CACNG3: variants seen among roughly 807,000 people sequenced by gnomAD.
CACNG3 encodes voltage-dependent calcium channel gamma-3 subunit.
CACNG3 carries 3 observed loss-of-function variants against 28.5 expected under a neutral mutation model. That is an observed-to-expected ratio of 0.11 (90% confidence interval 0.05 to 0.27). The LOEUF is 0.27. CACNG3 is among the 10% of genes least tolerant of loss of function. The probability of loss-of-function intolerance (pLI) is 1.00; values close to 1 mark genes in which losing one functional copy is unlikely to be tolerated. For missense variants in CACNG3, 236 were observed against 414.4 expected (o/e 0.57, Z 3.74); for synonymous variants, 174 against 162.2 (o/e 1.07, Z -0.55).
chr16:24,326,423 G>A (rs367609919), intron 1 of CACNG3, among the ~76,000 whole-genome samples: 4 of 151,988 alleles, frequency 2.6e-5, no homozygotes, highest in African/African-American at 9.7e-5. Flanking sequence ...CGCCCGCCTC[G>A]GCCTCCCAAA....
Position 24,317,612 on chromosome 16 carries a change from AAGAAAGAAAGAAAGAC to A in CACNG3, c.212-29118_212-29103del, listed in dbSNP as rs1437716719. Among the ~76,000 whole-genome samples the A allele has an allele frequency of 2.2e-4, 16 of 71,288 alleles. 1 individual carries two copies. The highest frequency in any genetic ancestry group is 4.7e-4 in the African/African-American group (7 of 14,868). 46.8% of individuals were successfully genotyped at this position (71,288 alleles called of 152,430 possible). On this transcript the variant is annotated intron_variant, in intron 1 of 3. Transcript: ENST00000005284. ...AAAGAAAGAAAGAAAGAAAGAAAGA[AAGAAAGAAAGAAAGAC>A]AGACAGAAAGAAAGAAAAGAAAAGA...
intron 1 of CACNG3, among the ~76,000 whole-genome samples, chr16:24,313,073 G>GATGAAGGA (rs1899295293): frequency 7.3e-6 from 1 of 137,924 alleles, no homozygotes; most frequent in Non-Finnish European, 1.5e-5. Context: ...GCGAGGGAGG[G>GATGAAGGA]AGGAAGGAAG....
chr16:24,340,485 G>A (rs540644460), intron 1 of CACNG3, among the ~76,000 whole-genome samples: 17 of 152,046 alleles, frequency 1.1e-4, no homozygotes, highest in South Asian at 2.1e-4. Flanking sequence ...ATCATTATTC[G>A]TTATATACGT....
chr16:24,353,321 T>G (rs1899982921), intron 2 of CACNG3, among the ~76,000 whole-genome samples: 2 of 152,220 alleles, frequency 1.3e-5, no homozygotes, highest in Admixed American at 6.5e-5. Context: ...ATTATGCCGC[T>G]GGTCCTGCCT....
chr16:24,342,005 C>T (rs1327541194), intron 1 of CACNG3, among the ~76,000 whole-genome samples: 2 of 152,216 alleles, frequency 1.3e-5, no homozygotes, highest in South Asian at 2.1e-4. Context: ...CGGTGGCTCA[C>T]GCCTGTCATC....
intron 1 of CACNG3, among the ~76,000 whole-genome samples, chr16:24,304,020 G>T (rs896892806): frequency 3.9e-5 from 6 of 152,162 alleles, no homozygotes; most frequent in Non-Finnish European, 8.8e-5. Flanking sequence ...AACATAGAGA[G>T]ACCCCCATTT....
chr16:24,265,469 GGAGA>G (rs139752998), intron 1 of CACNG3, among the ~76,000 whole-genome samples: 6 of 146,324 alleles, frequency 4.1e-5, no homozygotes, highest in Admixed American at 6.9e-5. Context: ...AAGGAAGGAA[GGAGA>G]GAGAGAGAGA....
At chr16:24,265,927 C>T (rs1898603816) in intron 1 of CACNG3, among the ~76,000 whole-genome samples, 1 of 152,148 alleles carries the variant, frequency 6.6e-6, no homozygotes, top group Non-Finnish European at 1.5e-5. Flanking sequence ...ACTGTAGAGA[C>T]ATGTAGGAAT....
chr16:24,284,012 G>T (rs1898863016), intron 1 of CACNG3, among the ~76,000 whole-genome samples: 1 of 152,140 alleles, frequency 6.6e-6, no homozygotes, highest in Non-Finnish European at 1.5e-5. Context: ...TAGTTATTGA[G>T]ATTATAAGTT....
chr16:24,261,064 G>T (rs965830), intron 1 of CACNG3, among the ~76,000 whole-genome samples: 80,397 of 152,066 alleles, frequency 0.53, 21,345 homozygotes, highest in South Asian at 0.6. Context: ...TTATGTGAAT[G>T]GTGAATGTTA....
intron 1 of CACNG3, among the ~76,000 whole-genome samples, chr16:24,306,972 C>G (rs540419852): frequency 3.9e-5 from 6 of 152,132 alleles, no homozygotes; most frequent in Non-Finnish European, 7.4e-5. Context: ...AGTTGAGTGC[C>G]GCTCCGGGTA....
At chr16:24,272,883 G>A (rs1898708435) in intron 1 of CACNG3, among the ~76,000 whole-genome samples, 1 of 152,072 alleles carries the variant, frequency 6.6e-6, no homozygotes, top group Non-Finnish European at 1.5e-5. Flanking sequence ...ACTTGTGCAG[G>A]TTTGTTATGA....
At chr16:24,325,361 G>A (rs1899527111) in intron 1 of CACNG3, among the ~76,000 whole-genome samples, 1 of 152,130 alleles carries the variant, frequency 6.6e-6, no homozygotes, top group Non-Finnish European at 1.5e-5. Flanking sequence ...CAAGGGTTAG[G>A]GGGACGTCAG....
intron 1 of CACNG3, among the ~76,000 whole-genome samples, chr16:24,286,046 G>A (rs1048135849): frequency 1.3e-5 from 2 of 152,006 alleles, no homozygotes; most frequent in African/African-American, 4.8e-5. Context: ...GTCTCCCCAT[G>A]TTTCCCAGGC....
chr16:24,346,932 C>A, intron 2 of CACNG3, 115 bp downstream of exon 2: 2 of 756,728 alleles, frequency 2.6e-6, no homozygotes, highest in Non-Finnish European at 4.5e-6. Flanking sequence ...TAGATAAGTG[C>A]AAAGAAGCCC....
chr16:24,282,266 C>T (rs924558736), intron 1 of CACNG3, among the ~76,000 whole-genome samples: 30 of 152,124 alleles, frequency 2.0e-4, no homozygotes, highest in Non-Finnish European at 1.5e-5. Context: ...CTATGGCCGC[C>T]TTTTCTAGTC....
chr16:24,279,105 A>T (rs141779052), intron 1 of CACNG3, among the ~76,000 whole-genome samples: 6 of 152,298 alleles, frequency 3.9e-5, no homozygotes, highest in Non-Finnish European at 8.8e-5. Flanking sequence ...AGACTGGAGA[A>T]GTAGACAGGG....
intron 1 of CACNG3, among the ~76,000 whole-genome samples, chr16:24,299,693 G>A (rs1248016113): frequency 1.3e-5 from 2 of 152,148 alleles, no homozygotes; most frequent in Non-Finnish European, 2.9e-5. Context: ...TCATAGTGAT[G>A]TATCCAGTGT....
At chr16:24,261,544 CA>C (rs1348119365) in intron 1 of CACNG3, among the ~76,000 whole-genome samples, 1 of 152,168 alleles carries the variant, frequency 6.6e-6, no homozygotes, top group African/African-American at 2.4e-5. Context: ...CATGGGCTGC[CA>C]GTTTTCAGCC....
Sources: allele counts gnomAD v4.1 joint callset (sites outside exome capture counted in the v4.1 genomes callset), GRCh38; gene constraint gnomAD v4.1.1; transcripts MANE v1.5; gene names NCBI Gene and HGNC (gene_info 2026-07-23, HGNC 2026-07-21).